The following UQCC1 variants were observed in gnomAD, a reference collection of about 807,000 sequenced individuals.
UQCC1 encodes the protein ubiquinol-cytochrome c reductase complex assembly factor 1, also known as bFGF-repressed Zic-binding protein.
In UQCC1, 38 loss-of-function variants were observed where a neutral mutation model predicts 48.0. The observed-to-expected ratio is 0.79, with a 90% confidence interval of 0.61 to 1.04. The LOEUF (loss-of-function observed/expected upper bound fraction) is 1.04. Ranked by LOEUF, UQCC1 falls within the 50% of genes least tolerant of loss-of-function variation. UQCC1 has a pLI of 0.00. For synonymous variants in UQCC1, 111 were observed against 129.2 expected, an observed-to-expected ratio of 0.86 and a Z score of 0.95; for missense variants, 368 against 381.8, an observed-to-expected ratio of 0.96 and a Z score of 0.30.
At chr20:35,360,164 G>A (rs937206357) in intron 6 of UQCC1, among the ~76,000 whole-genome samples, 31 of 152,344 alleles carry the variant, frequency 2.0e-4, no homozygotes, top group African/African-American at 7.0e-4. Flanking sequence ...GGGCAAGAAA[G>A]CTACAAGCGT....
intron 1 of UQCC1, among the ~76,000 whole-genome samples, chr20:35,400,786 T>C (rs932128104): frequency 6.6e-6 from 1 of 152,174 alleles, no homozygotes; most frequent in East Asian, 1.9e-4. Flanking sequence ...TGAGCCACCA[T>C]GCCTGGCCAA....
At chr20:35,370,106 C>T (rs570461573) in intron 5 of UQCC1, among the ~76,000 whole-genome samples, 39 of 152,336 alleles carry the variant, frequency 2.6e-4, no homozygotes, top group African/African-American at 9.4e-4. Flanking sequence ...ATCTAAGAAA[C>T]AGCGGGCTGC....
At chr20:35,318,168 A>C (rs1226780477) in intron 7 of UQCC1, among the ~76,000 whole-genome samples, 1 of 152,198 alleles carries the variant, frequency 6.6e-6, no homozygotes, top group African/African-American at 2.4e-5. Flanking sequence ...TGCCTAGCAG[A>C]GCTAGTTTAT....
intron 9 of UQCC1, among the ~76,000 whole-genome samples, chr20:35,305,472 C>G (rs1342324978): frequency 1.3e-5 from 2 of 152,234 alleles, no homozygotes; most frequent in African/African-American, 4.8e-5. Context: ...GCAGGTCTCT[C>G]AGAAAACACA....
intron 4 of UQCC1, among the ~76,000 whole-genome samples, chr20:35,376,911 C>T (rs1017874600): frequency 3.3e-5 from 5 of 151,522 alleles, no homozygotes; most frequent in Admixed American, 6.6e-5. Context: ...GAGTGCGCCA[C>T]TGCACTCCAG....
In UQCC1 at chr20:35,303,170, C is replaced by A. The variant is rs2146283119; in HGVS notation, c.*765G>T. 1 of 152,398 alleles carries A rather than the reference C, an allele frequency of 6.6e-6. No homozygotes were observed. Among genetic ancestry groups the A allele is most frequent in the Middle Eastern group, 3.4e-3 (1 of 294 alleles). 9.4% of individuals were successfully genotyped at this position (152,398 alleles called of 1,614,324 possible). ...GACAGCATGTTCCTCATTCAGTTCA[C>A]TGGGAGTGACAAAGGTGACTTTGTT... On this transcript the variant is annotated 3_prime_UTR_variant, in exon 10 of 10. Transcript: ENST00000374385.
At chr20:35,342,631 C>G (rs1359600317) in intron 7 of UQCC1, among the ~76,000 whole-genome samples, 1 of 152,202 alleles carries the variant, frequency 6.6e-6, no homozygotes, top group Non-Finnish European at 1.5e-5. Context: ...TACCAACACT[C>G]AGGAGTGCGG....
chr20:35,399,950 G>T (rs1267808026), intron 1 of UQCC1, among the ~76,000 whole-genome samples: 1 of 139,344 alleles, frequency 7.2e-6, no homozygotes, highest in African/African-American at 2.7e-5. Flanking sequence ...TTTTGAGATG[G>T]AGTCTTACTC....
intron 1 of UQCC1, among the ~76,000 whole-genome samples, chr20:35,395,636 C>A (rs1172778699): frequency 6.6e-6 from 1 of 152,082 alleles, no homozygotes; most frequent in Non-Finnish European, 1.5e-5. Context: ...GGGTTGCAGC[C>A]ACAGGCCAGG....
At chr20:35,363,527 TA>T (rs1430003572) in intron 6 of UQCC1, among the ~76,000 whole-genome samples, 4 of 152,020 alleles carry the variant, frequency 2.6e-5, no homozygotes, top group Non-Finnish European at 4.4e-5. Context: ...ACTGTGAAAC[TA>T]AAAAAATCAG....
At chr20:35,349,142 C>T (rs2061462450) in intron 6 of UQCC1, among the ~76,000 whole-genome samples, 1 of 152,166 alleles carries the variant, frequency 6.6e-6, no homozygotes, top group African/African-American at 2.4e-5. Context: ...GAAATGATTA[C>T]AGCTTGGCCT....
chr20:35,351,557 T>C (rs564666163), intron 6 of UQCC1, among the ~76,000 whole-genome samples: 5 of 152,202 alleles, frequency 3.3e-5, no homozygotes, highest in African/African-American at 7.2e-5. Context: ...AAATCCCTCA[T>C]GTCAGCCTCT....
chr20:35,389,105 C>T (rs866345246), intron 2 of UQCC1, among the ~76,000 whole-genome samples: 1 of 151,802 alleles, frequency 6.6e-6, no homozygotes. Flanking sequence ...AAAATCAGGA[C>T]TCCTTGGAGT....
At chr20:35,319,519 C>T (rs1350175555) in intron 7 of UQCC1, among the ~76,000 whole-genome samples, 1 of 152,146 alleles carries the variant, frequency 6.6e-6, no homozygotes, top group Admixed American at 6.5e-5. Context: ...TTAAGGATTA[C>T]TTAACACATA....
At chr20:35,397,495 G>A (rs1461906063) in intron 1 of UQCC1, among the ~76,000 whole-genome samples, 2 of 137,626 alleles carry the variant, frequency 1.5e-5, no homozygotes, top group African/African-American at 2.8e-5. Context: ...CAGCCTGGGT[G>A]ACAGAGCGAG....
At chr20:35,357,983 G>T (rs1313580463) in intron 6 of UQCC1, among the ~76,000 whole-genome samples, 1 of 152,080 alleles carries the variant, frequency 6.6e-6, no homozygotes, top group Admixed American at 6.6e-5. Context: ...GGAAACGAGG[G>T]GGAATTGAGA....
chr20:35,403,720 A>G (rs2062203660), intron 1 of UQCC1, among the ~76,000 whole-genome samples: 1 of 152,248 alleles, frequency 6.6e-6, no homozygotes, highest in East Asian at 1.9e-4. Context: ...ACCATGGAAT[A>G]CTATGCAGCC....
Position 35,326,133 on chromosome 20 carries a change from G to C in UQCC1, c.574-11368C>G, listed in dbSNP as rs533343365. Among the ~76,000 whole-genome samples the C allele has an allele frequency of 6.6e-5, 10 of 151,748 alleles. No homozygotes were observed. The South Asian group carries it at 2.1e-3, about 32-fold the overall frequency. The stretch of plus-strand genomic sequence containing the variant: ...AGGAGGCTGCTACAATGGTGTAGAT[G>C]AGAGTCTGTAAGGAACTGAAACAAT... On this transcript the variant is annotated intron_variant, in intron 7 of 9. Coordinates refer to ENST00000374385, the MANE Select transcript of UQCC1 (RefSeq NM_018244.5).
chr20:35,366,144 T>C (rs952281923), intron 6 of UQCC1, among the ~76,000 whole-genome samples: 6 of 152,196 alleles, frequency 3.9e-5, no homozygotes, highest in African/African-American at 1.4e-4. Flanking sequence ...GGTACAGGCG[T>C]AAATGTCAGT....
Sources: gnomAD v4.1 joint callset for allele counts (sites outside exome capture counted in the v4.1 genomes callset) on GRCh38, gnomAD v4.1.1 for gene constraint, MANE v1.5 for transcripts, NCBI Gene and HGNC (gene_info 2026-07-23, HGNC 2026-07-21) for gene names.